The following CERKL variants were observed in gnomAD, a reference collection of about 807,000 sequenced individuals.
CERKL encodes the protein CERK like autophagy regulator, also known as ceramide kinase-like protein.
Under a neutral mutation model 63.4 loss-of-function variants are expected in CERKL, and 61 were observed. The ratio of observed to expected loss-of-function variants is 0.96; its 90% CI spans 0.78 to 1.19. The LOEUF is 1.19. CERKL is among the 50% of genes most tolerant of loss of function. CERKL has a pLI of 0.00. For synonymous variants in CERKL, 250 were observed against 230.5 expected (o/e 1.08, Z -0.77); for missense variants, 675 against 655.5 (o/e 1.03, Z -0.33).
At position 181,651,100 on chromosome 2, in the gene CERKL, T is replaced by C. The variant is rs368622362; in HGVS notation, c.238+5669A>G. Among the ~76,000 whole-genome samples, 39 of 152,280 alleles carry C rather than the reference T, an allele frequency of 2.6e-4. No homozygotes were observed. In the East Asian group the frequency reaches 7.3e-3, roughly 29 times the overall value. ...CTTCACTGCTGAACTCAACCAAACA[T>C]TTAACAAACCAATATCAATTCCTCT... On this transcript the variant is annotated intron_variant, in intron 1 of 12. Coordinates refer to ENST00000410087, the MANE Select transcript of CERKL (RefSeq NM_201548.5).
chr2:181,565,488 C>A (rs775435174), intron 4 of CERKL: 18 of 1,610,920 alleles, frequency 1.1e-5, no homozygotes, highest in Non-Finnish European at 1.4e-5. Flanking sequence ...CAATGTATTG[C>A]GAACAATGGT....
At chr2:181,557,333 G>A (rs1688255755) in intron 5 of CERKL, among the ~76,000 whole-genome samples, 3 of 152,074 alleles carry the variant, frequency 2.0e-5, no homozygotes, top group Admixed American at 6.6e-5. Context: ...TGTCCTGAAT[G>A]GTATTGCCTA....
rs1176154745 is a variant in CERKL at position 181,603,905 on chromosome 2, A to C, written c.413T>G (p.Leu138Arg). 7 of 1,613,002 alleles carry C rather than the reference A, an allele frequency of 4.3e-6. No homozygotes were observed. Among genetic ancestry groups the C allele is most frequent in the Non-Finnish European group, 5.9e-6 (7 of 1,179,236 alleles). The change falls in exon 2 of 13, where the codon CTT becomes CGT. Residue 138 changes from leucine (L) to arginine (R), a missense_variant. By Grantham distance (102) the Leu-to-Arg change is moderately radical. Transcript: ENST00000410087. Reference protein sequence around the residue: ...KEQNKLKNSTLDLINLSEDHC... With the variant: ...KEQNKLKNSTRDLINLSEDHC... Reference sequence around the variant, plus strand: ...GTCTTCACTTAAATTAATAAGATCAAGTGTAGAATTCTTTAGTTTATTTTG... The same window carrying C: ...GTCTTCACTTAAATTAATAAGATCACGTGTAGAATTCTTTAGTTTATTTTG...
intron 11 of CERKL, among the ~76,000 whole-genome samples, chr2:181,542,632 A>C (rs922561115): frequency 6.0e-3 from 152 of 25,168 alleles, no homozygotes; most frequent in African/African-American, 0.023. Context: ...ATTCTTTGCA[A>C]AAAAAAAAAA....
rs559084494 is a variant in CERKL, at chr2:181,652,841, C to G, written c.238+3928G>C. On this transcript the variant is annotated intron_variant, in intron 1 of 12. Transcript: ENST00000410087. ...CCAGGCTGGAGTGCAGTGGCACTAT[C>G]TCGGCTCACTGCAATCTCCACCTCC... 2.0e-5 allele frequency among the ~76,000 whole-genome samples: 3 copies of G among 150,938 alleles called. No homozygotes were observed. The East Asian group carries it at 5.8e-4, about 29-fold the overall frequency.
intron 3 of CERKL, among the ~76,000 whole-genome samples, chr2:181,568,789 C>T (rs1688776140): frequency 1.3e-5 from 2 of 151,080 alleles, no homozygotes; most frequent in African/African-American, 4.9e-5. Context: ...CACCCACTAA[C>T]TCGTCATCTA....
intron 3 of CERKL, among the ~76,000 whole-genome samples, chr2:181,566,658 C>G (rs557406176): frequency 3.3e-5 from 5 of 152,134 alleles, no homozygotes; most frequent in African/African-American, 1.2e-4. Flanking sequence ...TATAAGAGAC[C>G]CAGACCCAAG....
chr2:181,602,752 G>C (rs1298542334), intron 2 of CERKL, among the ~76,000 whole-genome samples: 1 of 152,138 alleles, frequency 6.6e-6, no homozygotes, highest in Non-Finnish European at 1.5e-5. Context: ...ACTGCTCTTT[G>C]TCTAGCACCC....
At position 181,537,621 on chromosome 2, in the gene CERKL, TTGA is replaced by T. The variant is rs1249754208; in HGVS notation, c.*560_*562del. 1 of 432,302 alleles carries T rather than the reference TTGA, an allele frequency of 2.3e-6. No homozygotes were observed. Among genetic ancestry groups the T allele is most frequent in the African/African-American group, 2.1e-5 (1 of 48,590 alleles). The allele number at this position is 432,302 out of a possible 1,614,324, so 26.8% of individuals were successfully genotyped here. A position where few individuals can be genotyped will look rare whatever the true frequency, so the allele number is the denominator to read the frequency against. On this transcript the variant is annotated 3_prime_UTR_variant, in exon 13 of 13. Coordinates refer to ENST00000410087, the MANE Select transcript of CERKL (RefSeq NM_201548.5). ...ACAGAATATAGGAAATTTAACATAA[TTGA>T]TGAGCTCAAATCCTGAAAAATGAAA...
chr2:181,643,214 C>G (rs1687523382), intron 1 of CERKL, among the ~76,000 whole-genome samples: 1 of 152,158 alleles, frequency 6.6e-6, no homozygotes, highest in Non-Finnish European at 1.5e-5. Flanking sequence ...AATGAAAGTT[C>G]ATAGGTGGTC....
intron 1 of CERKL, chr2:181,650,111 GAGGAAGGAAGGAAGGAAGGAAGGAAGGA>G (rs1172629178): frequency 2.7e-5 from 1 of 37,450 alleles, no homozygotes; most frequent in African/African-American, 1.2e-4. Context: ...GGGAGGGAGG[GAGGAAGGAAGGAAGGAAGGAAGGAAGGA>G]AGGAAGGAAG....
chr2:181,620,553 G>C (rs568831377), intron 1 of CERKL, among the ~76,000 whole-genome samples: 4 of 152,318 alleles, frequency 2.6e-5, no homozygotes, highest in Admixed American at 6.5e-5. Context: ...TTTGAACTCG[G>C]CACAGGCAGA....
chr2:181,590,842 G>GA (rs1416630033), intron 2 of CERKL, among the ~76,000 whole-genome samples: 1 of 152,182 alleles, frequency 6.6e-6, no homozygotes, highest in Non-Finnish European at 1.5e-5. Flanking sequence ...TTTTAAAAAT[G>GA]ATATAAACCC....
At chr2:181,552,743 C>A (rs1688038295) in intron 5 of CERKL, among the ~76,000 whole-genome samples, 1 of 151,998 alleles carries the variant, frequency 6.6e-6, no homozygotes, top group Admixed American at 6.6e-5. Context: ...CTTTATTTAG[C>A]CATTTCACAA....
chr2:181,539,916 A>ATAAT (rs1341077246), intron 11 of CERKL, among the ~76,000 whole-genome samples: 2 of 152,212 alleles, frequency 1.3e-5, no homozygotes, highest in Non-Finnish European at 2.9e-5. Flanking sequence ...ATTTTCTGAC[A>ATAAT]TAATTAAGAA....
chr2:181,630,387 AAC>A (rs1686904458), intron 1 of CERKL, among the ~76,000 whole-genome samples: 3 of 152,180 alleles, frequency 2.0e-5, no homozygotes, highest in Admixed American at 6.6e-5. Flanking sequence ...GGTAAAGGAA[AAC>A]TATAGCAAAT....
chr2:181,604,561 G>T (rs1685599159), intron 1 of CERKL, among the ~76,000 whole-genome samples: 1 of 152,182 alleles, frequency 6.6e-6, no homozygotes, highest in Non-Finnish European at 1.5e-5. Context: ...TCTGAGGATA[G>T]TCAATGTATG....
At chr2:181,624,534 A>G (rs1574510314) in intron 1 of CERKL, among the ~76,000 whole-genome samples, 1 of 152,280 alleles carries the variant, frequency 6.6e-6, no homozygotes, top group African/African-American at 2.4e-5. Context: ...CAATCTTAAA[A>G]CAAACAAAAA....
intron 10 of CERKL, among the ~76,000 whole-genome samples, chr2:181,546,004 G>A (rs1168633070): frequency 6.6e-6 from 1 of 151,938 alleles, no homozygotes; most frequent in Non-Finnish European, 1.5e-5. Flanking sequence ...TATCATGGTG[G>A]GGGAAAAAGA....
Sources: gnomAD v4.1 joint callset for allele counts (sites outside exome capture counted in the v4.1 genomes callset) on GRCh38, gnomAD v4.1.1 for gene constraint, MANE v1.5 for transcripts, NCBI Gene and HGNC (gene_info 2026-07-23, HGNC 2026-07-21) for gene names.